Variants in DOCK9 observed in about 807,000 individuals in gnomAD.
DOCK9 encodes dedicator of cytokinesis 9.
A neutral mutation model predicts 263.3 loss-of-function variants in DOCK9; 89 were observed. That is an observed-to-expected ratio of 0.34 (90% CI 0.28 to 0.40). DOCK9 has a LOEUF of 0.40. DOCK9 is among the 10% of genes least tolerant of loss of function. The pLI is 1.00. For missense variants in DOCK9, 2,140 were observed against 2,603.4 expected, an observed-to-expected ratio of 0.82 and a Z score of 3.87; for synonymous variants, 976 against 973.1, an observed-to-expected ratio of 1.00 and a Z score of -0.06.
chr13:98,797,129 T>C lies in DOCK9; in HGVS notation c.6142A>G (p.Ile2048Val). ...YREMAKELSE[I>V]MHEQICPLEE... ...GCGGCCCTCACCTGCTCATGCATGATTTCAGAAAGCTCCTTCGCCATTTCC... is the reference window on the plus strand; with the variant it reads ...GCGGCCCTCACCTGCTCATGCATGACTTCAGAAAGCTCCTTCGCCATTTCC... Residue 2048 changes from isoleucine to valine, a missense_variant, in exon 52 of 53, where the codon ATC (isoleucine) becomes GTC (valine). Physicochemically the swap from Ile to Val is conservative, Grantham distance 29. Transcript: ENST00000682017. 1 of 1,614,000 alleles carries C rather than the reference T, an allele frequency of 6.2e-7. No homozygotes were observed. The highest frequency in any genetic ancestry group is 8.5e-7 in the Non-Finnish European group (1 of 1,179,896).
chr13:99,030,466 A>T (rs1887217578), intron 1 of DOCK9, among the ~76,000 whole-genome samples: 1 of 152,248 alleles, frequency 6.6e-6, no homozygotes, highest in African/African-American at 2.4e-5. Context: ...AGGTTTGGTA[A>T]GAGACATTAA....
At chr13:99,021,721 G>C (rs1333572187) in intron 1 of DOCK9, among the ~76,000 whole-genome samples, 1 of 151,702 alleles carries the variant, frequency 6.6e-6, no homozygotes, top group African/African-American at 2.4e-5. Context: ...ATAAGGAGTG[G>C]AGCTTTCAGC....
At chr13:98,867,682 T>G in intron 29 of DOCK9, 146 bp from the exon 30 acceptor site, 1 of 678,734 alleles carries the variant, frequency 1.5e-6, no homozygotes, top group East Asian at 2.6e-5. Context: ...TGTACAGATT[T>G]CAGGATGGCT....
At chr13:98,926,979 C>T (rs2053078253) in intron 3 of DOCK9, among the ~76,000 whole-genome samples, 2 of 152,246 alleles carry the variant, frequency 1.3e-5, no homozygotes, top group Admixed American at 1.3e-4. Context: ...AGCAAACTCC[C>T]CTCCACCTCC....
chr13:98,962,965 A>G (rs1348958884), intron 1 of DOCK9, among the ~76,000 whole-genome samples: 1 of 152,188 alleles, frequency 6.6e-6, no homozygotes, highest in Non-Finnish European at 1.5e-5. Context: ...TGTGAAGAAG[A>G]GAGCAGGCAG....
chr13:98,989,197 A>G (rs763839150), intron 1 of DOCK9, among the ~76,000 whole-genome samples: 3 of 152,084 alleles, frequency 2.0e-5, no homozygotes, highest in Non-Finnish European at 4.4e-5. Context: ...TCCATCCCAA[A>G]GAATATTTTC....
chr13:98,943,188 C>T (rs955280105), intron 2 of DOCK9, among the ~76,000 whole-genome samples: 6 of 152,210 alleles, frequency 3.9e-5, no homozygotes, highest in African/African-American at 9.6e-5. Context: ...TCAAACACAG[C>T]GGAGAGTCAG....
rs1244665899 is a variant in DOCK9 at position 98,860,526 on chromosome 13, T to C, written c.3580-4A>G. The C allele has an allele frequency of 1.3e-6, 2 of 1,557,070 alleles. No individual in the cohort carries two copies. Among genetic ancestry groups the C allele is most frequent in the Non-Finnish European group, 1.7e-6 (2 of 1,149,418 alleles). ...CCAGGGATTCATCCTTCACAGTCTG[T>C]CAAGGAGAGGAAAGCAGAAACAATC... On this transcript the variant is annotated splice_polypyrimidine_tract_variant and splice_region_variant and intron_variant, in intron 32 of 52. Transcript: ENST00000682017.
intron 1 of DOCK9, among the ~76,000 whole-genome samples, chr13:98,964,152 C>T (rs2058965074): frequency 1.3e-5 from 2 of 152,190 alleles, no homozygotes; most frequent in South Asian, 4.1e-4. Context: ...AGAGGGAAGG[C>T]ACATGTGTGA....
intron 27 of DOCK9, among the ~76,000 whole-genome samples, chr13:98,874,628 G>A (rs1047770254): frequency 6.6e-6 from 1 of 152,136 alleles, no homozygotes; most frequent in African/African-American, 2.4e-5. Context: ...ATCTTCATCA[G>A]CATCACCATA....
chr13:98,807,864 C>T, intron 47 of DOCK9, 57 bp from the exon 48 acceptor site: 1 of 1,406,034 alleles, frequency 7.1e-7, no homozygotes, highest in Non-Finnish European at 9.5e-7. Context: ...GGCTTACCAC[C>T]TAGGAAGCGT....
chr13:98,874,842 C>G (rs1319153163), intron 27 of DOCK9, among the ~76,000 whole-genome samples: 1 of 152,152 alleles, frequency 6.6e-6, no homozygotes, highest in Admixed American at 6.5e-5. Context: ...CTGTACCTCT[C>G]TAGGTCTCTA....
chr13:98,842,029 A>G (rs1241666649), intron 38 of DOCK9, among the ~76,000 whole-genome samples: 2 of 152,212 alleles, frequency 1.3e-5, no homozygotes, highest in African/African-American at 4.8e-5. Flanking sequence ...TCCATGCTTT[A>G]AAACTTTTGG....
At chr13:98,976,594 A>G (rs763855517) in intron 1 of DOCK9, among the ~76,000 whole-genome samples, 8 of 152,246 alleles carry the variant, frequency 5.3e-5, no homozygotes, top group Non-Finnish European at 8.8e-5. Context: ...GAGCAACCCA[A>G]CAGAGAAGTG....
At chr13:98,987,375 T>C (rs1158061615) in intron 1 of DOCK9, among the ~76,000 whole-genome samples, 1 of 152,162 alleles carries the variant, frequency 6.6e-6, no homozygotes, top group Non-Finnish European at 1.5e-5. Flanking sequence ...AAGAAAAGTG[T>C]GGTTAAAAAA....
chr13:98,983,288 A>C (rs117967562), intron 1 of DOCK9, among the ~76,000 whole-genome samples: 4,205 of 152,346 alleles, frequency 0.028, 93 homozygotes, highest in South Asian at 0.063. Context: ...GATTTTCCGC[A>C]GTATACTGTT....
intron 34 of DOCK9, 67 bp downstream of exon 34, chr13:98,855,831 A>G: frequency 6.3e-7 from 1 of 1,583,264 alleles, no homozygotes; most frequent in Non-Finnish European, 8.6e-7. Flanking sequence ...TAGAACATGA[A>G]GTACGTTTAC....
intron 1 of DOCK9, among the ~76,000 whole-genome samples, chr13:98,967,622 G>A (rs1298572599): frequency 6.6e-6 from 1 of 152,154 alleles, no homozygotes; most frequent in African/African-American, 2.4e-5. Flanking sequence ...TATGAGAAAT[G>A]CTGAACATTG....
At chr13:98,804,687 T>C (rs1191354017) in intron 49 of DOCK9, among the ~76,000 whole-genome samples, 1 of 152,124 alleles carries the variant, frequency 6.6e-6, no homozygotes, top group African/African-American at 2.4e-5. Flanking sequence ...AGTCCATAAG[T>C]CACCTTAGAC....
Sources: gnomAD v4.1 joint callset for allele counts (sites outside exome capture counted in the v4.1 genomes callset) on GRCh38, gnomAD v4.1.1 for gene constraint, MANE v1.5 for transcripts, NCBI Gene and HGNC (gene_info 2026-07-23, HGNC 2026-07-21) for gene names.